The following LSAMP variants were observed in gnomAD, a reference collection of about 807,000 sequenced individuals.
LSAMP encodes limbic system associated membrane protein.
A neutral mutation model predicts 38.6 loss-of-function variants in LSAMP; 7 were observed. The observed-to-expected ratio is 0.18, with a 90% CI of 0.10 to 0.34. The LOEUF (loss-of-function observed/expected upper bound fraction) is 0.34, where lower values mean the gene tolerates loss of function less well. Among genes scored for constraint, LSAMP ranks in the 10% least tolerant of loss-of-function variants. LSAMP has a pLI of 1.00. For missense variants in LSAMP, 313 were observed against 420.0 expected (o/e 0.75, Z 2.23); for synonymous variants, 154 against 166.8 (o/e 0.92, Z 0.59).
At chr3:115,844,239 A>T (rs1433479860) in intron 4 of LSAMP, among the ~76,000 whole-genome samples, 1 of 152,162 alleles carries the variant, frequency 6.6e-6, no homozygotes, top group African/African-American at 2.4e-5. Flanking sequence ...TCAAACCCTT[A>T]ACTAATTTAA....
intron 3 of LSAMP, among the ~76,000 whole-genome samples, chr3:115,945,811 A>G (rs1019068452): frequency 1.3e-5 from 2 of 152,164 alleles, no homozygotes; most frequent in African/African-American, 4.8e-5. Context: ...GACACCTCTC[A>G]ATTATTCACA....
At chr3:115,998,585 T>C (rs141957148) in intron 3 of LSAMP, among the ~76,000 whole-genome samples, 2 of 152,252 alleles carry the variant, frequency 1.3e-5, no homozygotes, top group African/African-American at 4.8e-5. Context: ...CCTGGAAGCT[T>C]AGATGTACCA....
intron 3 of LSAMP, among the ~76,000 whole-genome samples, chr3:115,907,044 C>T (rs1191584063): frequency 6.6e-6 from 1 of 152,104 alleles, no homozygotes; most frequent in East Asian, 1.9e-4. Context: ...TTAAAAACTG[C>T]ACCAGTCAGT....
rs182079520 is a variant in LSAMP at position 116,072,348 on chromosome 3, T to C, written c.388+13976A>G. On this transcript the variant is annotated intron_variant, in intron 2 of 6. Transcript: ENST00000490035. ...TCTATGTCTTTCCTATTGTGAATAG[T>C]CTTGCAATGAACATATGAGTGCATG... 7.5e-4 allele frequency among the ~76,000 whole-genome samples: 114 copies of C among 152,330 alleles called. 1 individual carries two copies. Among genetic ancestry groups the C allele is most frequent in the Non-Finnish European group, 3.1e-4 (21 of 68,038 alleles).
chr3:115,843,836 T>C (rs1372424384), intron 4 of LSAMP, among the ~76,000 whole-genome samples: 2 of 152,244 alleles, frequency 1.3e-5, no homozygotes, highest in Admixed American at 1.3e-4. Context: ...TAGACATTTT[T>C]AAATCACTGT....
intron 6 of LSAMP, chr3:115,834,480 T>C (rs1934718898): frequency 9.7e-7 from 1 of 1,031,590 alleles, no homozygotes; most frequent in Admixed American, 2.3e-5. Context: ...GAATGTGTTT[T>C]CCCCCCTTTG....
At chr3:116,286,829 T>A (rs1253469822) in intron 1 of LSAMP, among the ~76,000 whole-genome samples, 2 of 151,762 alleles carry the variant, frequency 1.3e-5, no homozygotes. Flanking sequence ...AATATTAATG[T>A]CATTAACTTT....
At chr3:116,394,375 A>C (rs899902490) in intron 1 of LSAMP, among the ~76,000 whole-genome samples, 3 of 152,228 alleles carry the variant, frequency 2.0e-5, no homozygotes, top group African/African-American at 7.2e-5. Flanking sequence ...AGCCATTAAT[A>C]GACCTTAATC....
chr3:116,136,082 A>G (rs1469590452), intron 1 of LSAMP, among the ~76,000 whole-genome samples: 1 of 152,172 alleles, frequency 6.6e-6, no homozygotes, highest in African/African-American at 2.4e-5. Flanking sequence ...GTGAGGCTAC[A>G]AGGTGGCAAG....
At chr3:115,892,045 C>T (rs2107460241) in intron 3 of LSAMP, among the ~76,000 whole-genome samples, 1 of 152,000 alleles carries the variant, frequency 6.6e-6, no homozygotes, top group South Asian at 2.1e-4. Flanking sequence ...ATGAACATGT[C>T]TTAGATTACC....
chr3:116,275,584 A>T (rs2047039801), intron 1 of LSAMP, among the ~76,000 whole-genome samples: 2 of 152,150 alleles, frequency 1.3e-5, no homozygotes, highest in Admixed American at 1.3e-4. Flanking sequence ...TTTTTTTTTA[A>T]ACCTCACTCT....
chr3:116,073,870 T>A (rs1259874000), intron 2 of LSAMP, among the ~76,000 whole-genome samples: 1 of 152,246 alleles, frequency 6.6e-6, no homozygotes, highest in African/African-American at 2.4e-5. Flanking sequence ...AAGATTTGGC[T>A]GTCTTATGTA....
chr3:115,953,548 T>C (rs1429999829), intron 3 of LSAMP, among the ~76,000 whole-genome samples: 1 of 152,082 alleles, frequency 6.6e-6, no homozygotes, highest in African/African-American at 2.4e-5. Flanking sequence ...TTTTCCCTCA[T>C]CAGGATAACT....
At chr3:116,371,572 G>T (rs2048429644) in intron 1 of LSAMP, among the ~76,000 whole-genome samples, 1 of 152,052 alleles carries the variant, frequency 6.6e-6, no homozygotes, top group South Asian at 2.1e-4. Flanking sequence ...AACCCATGGT[G>T]AACATCATAA....
At position 115,992,491 on chromosome 3, in the gene LSAMP, G is replaced by A. The variant is rs1224614004; in HGVS notation, c.514+27024C>T. ...ACACCCTCCCTCTTCTATTATCGGG[G>A]TTAAACCAGCATACAGATTAGATGA... On this transcript the variant is annotated intron_variant, in intron 3 of 6. Coordinates refer to ENST00000490035, the MANE Select transcript of LSAMP (RefSeq NM_002338.5). Among the ~76,000 whole-genome samples, 7 of 152,016 alleles carry A rather than the reference G, an allele frequency of 4.6e-5. No homozygotes were observed. In the South Asian group the frequency reaches 1.5e-3, roughly 32 times the overall value.
At chr3:115,878,879 G>A (rs1936254780) in intron 3 of LSAMP, among the ~76,000 whole-genome samples, 1 of 152,092 alleles carries the variant, frequency 6.6e-6, no homozygotes. Flanking sequence ...AGCTATAAAG[G>A]ATATGATAGA....
rs980706859 is a variant in LSAMP, at chr3:116,445,334, G to A, written c.-303C>T. On this transcript the variant is annotated 5_prime_UTR_variant, in exon 1 of 7. Coordinates refer to ENST00000490035, the MANE Select transcript of LSAMP (RefSeq NM_002338.5). ...GCTGAAGAGGAAGCCAAAGGAAAGG[G>A]TTCTTGTTTGGTCTCTCTGTGACTG... 1 of 559,164 alleles carries A rather than the reference G, an allele frequency of 1.8e-6. No individual in the cohort carries two copies. Among genetic ancestry groups the A allele is most frequent in the African/African-American group, 1.9e-5 (1 of 52,728 alleles). The allele number at this position is 559,164 out of a possible 1,614,324, so 34.6% of individuals were successfully genotyped here. A position where few individuals can be genotyped will look rare whatever the true frequency, so the allele number is the denominator to read the frequency against.
chr3:115,910,441 C>T (rs1396023641), intron 3 of LSAMP, among the ~76,000 whole-genome samples: 1 of 152,088 alleles, frequency 6.6e-6, no homozygotes, highest in Non-Finnish European at 1.5e-5. Context: ...AACTACTCTA[C>T]CCCCATTTGA....
intron 1 of LSAMP, among the ~76,000 whole-genome samples, chr3:116,160,348 G>C (rs553295886): frequency 6.9e-6 from 1 of 144,466 alleles, no homozygotes; most frequent in African/African-American, 2.5e-5. Context: ...GCAGTGAGCC[G>C]AGATCGTGCC....
Sources: allele counts gnomAD v4.1 joint callset (sites outside exome capture counted in the v4.1 genomes callset), GRCh38; gene constraint gnomAD v4.1.1; transcripts MANE v1.5; gene names NCBI Gene and HGNC (gene_info 2026-07-23, HGNC 2026-07-21).